The following NEO1 variants were observed in gnomAD, a reference collection of about 807,000 sequenced individuals.
NEO1 encodes the protein neogenin.
In NEO1, 63 loss-of-function variants were observed where a neutral mutation model predicts 159.7. That is an observed-to-expected ratio of 0.39 (90% CI 0.32 to 0.49). NEO1 has a LOEUF of 0.49. Ranked by LOEUF, NEO1 falls within the 20% of genes least tolerant of loss-of-function variation. The probability of loss-of-function intolerance (pLI) is 0.85; values close to 1 mark genes in which losing one functional copy is unlikely to be tolerated. For synonymous variants in NEO1, 633 were observed against 662.0 expected, an observed-to-expected ratio of 0.96 and a Z score of 0.67; for missense variants, 1,615 against 1,831.0, an observed-to-expected ratio of 0.88 and a Z score of 2.15.
chr15:73,136,208 A>T (rs1049509591), intron 5 of NEO1, among the ~76,000 whole-genome samples, 181 bp downstream of exon 5: 5 of 152,148 alleles, frequency 3.3e-5, no homozygotes, highest in Non-Finnish European at 5.9e-5. Context: ...ACTATAGGAA[A>T]CTTATTTAAT....
rs538279113 is a variant in NEO1, at chr15:73,283,176, T to G, written c.3410+65T>G. On this transcript the variant is annotated intron_variant, in intron 23 of 28. Transcript: ENST00000261908. Reference sequence around the variant, plus strand: ...TTATCTTTTGCTTCCATGTGACTTCTGTATATGGAGTGGTACACAAAGTTA... The same window carrying G: ...TTATCTTTTGCTTCCATGTGACTTCGGTATATGGAGTGGTACACAAAGTTA... 83 of 1,550,928 alleles carry G rather than the reference T, an allele frequency of 5.4e-5. No homozygotes were observed. The African/African-American group carries it at 1.1e-3, about 20-fold the overall frequency.
At chr15:73,071,395 T>C (rs1033246834) in intron 1 of NEO1, among the ~76,000 whole-genome samples, 2 of 152,214 alleles carry the variant, frequency 1.3e-5, no homozygotes, top group Non-Finnish European at 2.9e-5. Context: ...TAAGTGCTGA[T>C]TGAAAAGAAC....
At chr15:73,211,194 A>G (rs2037539519) in intron 7 of NEO1, among the ~76,000 whole-genome samples, 1 of 152,256 alleles carries the variant, frequency 6.6e-6, no homozygotes, top group African/African-American at 2.4e-5. Context: ...GTAAACAGCT[A>G]GAAAATTAGA....
rs766815523 is a variant in NEO1, at chr15:73,116,797, G to A, written c.388G>A (p.Val130Met). 2 of 1,612,378 alleles carry A rather than the reference G, an allele frequency of 1.2e-6. No homozygotes were observed. Among genetic ancestry groups the A allele is most frequent in the East Asian group, 2.2e-5 (1 of 44,836 alleles). Residue 130 changes from valine (V) to methionine (M), a missense_variant, in exon 2 of 29, where the codon GTG becomes ATG. Transcript: ENST00000261908. ...NKPDEGYYQC[V>M]ATVESLGTII... The stretch of plus-strand genomic sequence containing the variant: ...ACCTGATGAAGGTTATTATCAGTGT[G>A]TGGCCACTGTTGAGAGTCTTGGAAC...
chr15:73,261,189 C>G (rs2040604568), intron 15 of NEO1, among the ~76,000 whole-genome samples: 1 of 151,980 alleles, frequency 6.6e-6, no homozygotes, highest in Non-Finnish European at 1.5e-5. Flanking sequence ...TAGTATTTCA[C>G]TAGCCTCGGC....
chr15:73,294,186 C>T (rs1241205210), intron 26 of NEO1, among the ~76,000 whole-genome samples: 8 of 152,168 alleles, frequency 5.3e-5, no homozygotes. Flanking sequence ...AACATGTCCC[C>T]AGTTTGGAAA....
In NEO1 at chr15:73,289,149, A is replaced by G. The variant is rs911450014; in HGVS notation, c.3653A>G (p.His1218Arg). The G allele has an allele frequency of 3.7e-6, 6 of 1,613,908 alleles. No homozygotes were observed. In the Admixed American group the frequency reaches 8.3e-5, roughly 22 times the overall value. Residue 1218 changes from histidine (H) to arginine (R), a missense_variant, in exon 25 of 29, where the codon CAT (histidine) becomes CGT (arginine). This residue lies in a region of NEO1 where 471 missense variants were observed against 498.9 expected (regional missense o/e 0.94). Coordinates refer to ENST00000261908, the MANE Select transcript of NEO1 (RefSeq NM_002499.4). The stretch of plus-strand genomic sequence containing the variant: ...AACCTCCACGTTTAACATCTAGGGC[A>G]TGAGTCAGAGGACAGCATGTCTACA... ...IHQRRNSYRG[H>R]ESEDSMSTLA... is the part of the protein sequence containing the mutation.
At chr15:73,138,770 AAC>A (rs2032072484) in intron 5 of NEO1, among the ~76,000 whole-genome samples, 3 of 150,310 alleles carry the variant, frequency 2.0e-5, no homozygotes, top group African/African-American at 7.4e-5. Flanking sequence ...AAAAAAAAAA[AAC>A]AAAAAAACAA....
At chr15:73,203,992 T>C (rs2152065393) in intron 7 of NEO1, among the ~76,000 whole-genome samples, 1 of 152,252 alleles carries the variant, frequency 6.6e-6, no homozygotes, top group East Asian at 1.9e-4. Flanking sequence ...AGAACTTCTT[T>C]TAACATTTCT....
At chr15:73,256,478 C>A (rs1312843831) in intron 13 of NEO1, among the ~76,000 whole-genome samples, 1 of 152,172 alleles carries the variant, frequency 6.6e-6, no homozygotes, top group East Asian at 1.9e-4. Flanking sequence ...CCAGCCTGGA[C>A]AACAGAGTAA....
intron 1 of NEO1, among the ~76,000 whole-genome samples, chr15:73,115,540 A>G (rs1428002003): frequency 1.3e-5 from 2 of 152,196 alleles, no homozygotes; most frequent in Admixed American, 1.3e-4. Context: ...CCTTAAATTC[A>G]TAATGCAAAT....
intron 2 of NEO1, among the ~76,000 whole-genome samples, chr15:73,118,480 TA>T (rs1396162900): frequency 7.0e-5 from 10 of 141,928 alleles, no homozygotes; most frequent in African/African-American, 2.3e-4. Flanking sequence ...ACCACAGTTT[TA>T]AGCACTGGCA....
intron 1 of NEO1, among the ~76,000 whole-genome samples, chr15:73,085,130 C>T (rs2069284856): frequency 6.6e-6 from 1 of 151,996 alleles, no homozygotes; most frequent in African/African-American, 2.4e-5. Flanking sequence ...CTTATGCCAG[C>T]TTTTTGTAGT....
At chr15:73,073,407 T>C (rs2068627141) in intron 1 of NEO1, among the ~76,000 whole-genome samples, 1 of 152,078 alleles carries the variant, frequency 6.6e-6, no homozygotes, top group South Asian at 2.1e-4. Context: ...TGGGGATGAC[T>C]GAATGTAGTG....
Position 73,116,800 on chromosome 15 carries a change from G to T in NEO1, c.391G>T (p.Ala131Ser), listed in dbSNP as rs775080264. ...KPDEGYYQCV[A>S]TVESLGTIIS... is the part of the protein sequence containing the mutation. ...TGATGAAGGTTATTATCAGTGTGTG[G>T]CCACTGTTGAGAGTCTTGGAACTAT... The change falls in exon 2 of 29, where the codon GCC becomes TCC. Residue 131 changes from alanine (A) to serine (S), a missense_variant. Transcript: ENST00000261908. The T allele has an allele frequency of 1.9e-6, 3 of 1,612,002 alleles. No individual in the cohort carries two copies. The highest frequency in any genetic ancestry group is 3.4e-5 in the Admixed American group (2 of 59,568).
At chr15:73,059,572 G>A (rs2067880683) in intron 1 of NEO1, among the ~76,000 whole-genome samples, 2 of 152,200 alleles carry the variant, frequency 1.3e-5, no homozygotes, top group South Asian at 4.1e-4. Flanking sequence ...TCCTCAGGAA[G>A]CATTTGGTCT....
intron 12 of NEO1, among the ~76,000 whole-genome samples, chr15:73,254,003 G>A (rs2040215162): frequency 6.6e-6 from 1 of 152,154 alleles, no homozygotes; most frequent in Non-Finnish European, 1.5e-5. Context: ...GGACTACGCA[G>A]ACAACTAAGA....
At chr15:73,285,364 C>T (rs1464663696) in intron 23 of NEO1, among the ~76,000 whole-genome samples, 1 of 152,156 alleles carries the variant, frequency 6.6e-6, no homozygotes, top group Non-Finnish European at 1.5e-5. Flanking sequence ...AAGTGATCTG[C>T]CCACCTCAGC....
intron 21 of NEO1, among the ~76,000 whole-genome samples, chr15:73,276,626 T>TCTTTTGG (rs1294414690): frequency 2.0e-5 from 3 of 152,234 alleles, no homozygotes; most frequent in African/African-American, 7.2e-5. Flanking sequence ...CCTGTTACCT[T>TCTTTTGG]CTTTTGGTAG....
Sources: gnomAD v4.1 joint callset for allele counts (sites outside exome capture counted in the v4.1 genomes callset) on GRCh38, gnomAD v4.1.1 for gene constraint, gnomAD v4.1.1 regional missense constraint, MANE v1.5 for transcripts, NCBI Gene and HGNC (gene_info 2026-07-23, HGNC 2026-07-21) for gene names.